The following LRRC7 variants were observed in gnomAD, a reference collection of about 807,000 sequenced individuals.
The protein encoded by LRRC7 is leucine-rich repeat-containing protein 7.
Under a neutral mutation model 175.7 loss-of-function variants are expected in LRRC7, and 23 were observed. That is an observed-to-expected ratio of 0.13 (90% CI 0.09 to 0.19). LRRC7 has a LOEUF of 0.19. Ranked by LOEUF, LRRC7 falls within the 10% of genes least tolerant of loss-of-function variation. The probability of loss-of-function intolerance (pLI) is 1.00; values close to 1 mark genes in which losing one functional copy is unlikely to be tolerated. For synonymous variants in LRRC7, 685 were observed against 680.9 expected, an observed-to-expected ratio of 1.01 and a Z score of -0.09; for missense variants, 1,354 against 1,904.7, an observed-to-expected ratio of 0.71 and a Z score of 5.38.
intron 3 of LRRC7, among the ~76,000 whole-genome samples, chr1:69,769,257 T>G (rs1181932020): frequency 6.6e-6 from 1 of 152,198 alleles, no homozygotes; most frequent in Non-Finnish European, 1.5e-5. Context: ...CAGTAGTTGC[T>G]CATCTAGATT....
rs562890752 is a variant in LRRC7 at position 69,737,054 on chromosome 1, C to A, written c.101-23137C>A. On this transcript the variant is annotated intron_variant, in intron 2 of 26. Transcript: ENST00000651989. ...ACACCTCCGATTGGTTTACATATAG[C>A]CCAAATTATTATACTGTAAGCTACT... Among the ~76,000 whole-genome samples the A allele has an allele frequency of 8.5e-5, 13 of 152,102 alleles. 1 individual carries two copies. The South Asian group carries it at 2.7e-3, about 32-fold the overall frequency.
At chr1:69,924,330 T>G (rs1242087351) in intron 7 of LRRC7, among the ~76,000 whole-genome samples, 1 of 152,138 alleles carries the variant, frequency 6.6e-6, no homozygotes, top group East Asian at 1.9e-4. Flanking sequence ...TTTTTTCCAA[T>G]TCTGTGAAGA....
intron 2 of LRRC7, among the ~76,000 whole-genome samples, chr1:69,733,746 G>T (rs1249155452): frequency 6.6e-6 from 1 of 151,856 alleles, no homozygotes; most frequent in Admixed American, 6.6e-5. Context: ...ACCTGTTTTT[G>T]TGCAGAAAAA....
intron 1 of LRRC7, among the ~76,000 whole-genome samples, chr1:69,591,835 A>G (rs1388516350): frequency 2.0e-5 from 3 of 151,932 alleles, no homozygotes; most frequent in Admixed American, 6.6e-5. Context: ...CCATCTGCAG[A>G]TGCTCTGTTC....
Position 69,615,044 on chromosome 1 carries a change from A to G in LRRC7, c.2+46403A>G, listed in dbSNP as rs138445780. ...ATATTTGGCATAAAACAATCAGACC[A>G]AATATAAATATGCTGAACTAGAAAT... On this transcript the variant is annotated intron_variant, in intron 1 of 26. Coordinates refer to ENST00000651989, the MANE Select transcript of LRRC7 (RefSeq NM_001370785.2). Among the ~76,000 whole-genome samples the G allele has an allele frequency of 2.4e-3, 371 of 152,162 alleles. 1 individual carries two copies. The highest frequency in any genetic ancestry group is 8.7e-3 in the African/African-American group (362 of 41,532).
chr1:69,995,742 T>G (rs1485270247), intron 11 of LRRC7, among the ~76,000 whole-genome samples: 1 of 152,188 alleles, frequency 6.6e-6, no homozygotes, highest in Non-Finnish European at 1.5e-5. Flanking sequence ...CTCATCATTT[T>G]TTATGGCTGC....
In LRRC7 at chr1:69,633,523, G is replaced by A. The variant is rs113339100; in HGVS notation, c.3-44858G>A. On this transcript the variant is annotated intron_variant, in intron 1 of 26. Coordinates refer to ENST00000651989, the MANE Select transcript of LRRC7 (RefSeq NM_001370785.2). ...AACTCACTGCAACCTCTGCCTCCCAGGTTCAATCAATTCTCCTGCCTCAGC... is the reference window on the plus strand; with the variant it reads ...AACTCACTGCAACCTCTGCCTCCCAAGTTCAATCAATTCTCCTGCCTCAGC... Among the ~76,000 whole-genome samples the A allele has an allele frequency of 6.5e-3, 988 of 152,068 alleles. 5 individuals are homozygous for A. The highest frequency in any genetic ancestry group is 0.023 in the African/African-American group (935 of 41,470).
In LRRC7 at chr1:70,134,528, C is replaced by CT. The variant is rs922526813; in HGVS notation, c.*12648dup. ...GGTGTTCCCCTGCCAACCATTTAAT[C>CT]TTTTTTTCTTCCAACCCGGAGCAAA... On this transcript the variant is annotated 3_prime_UTR_variant, in exon 27 of 27. Coordinates refer to ENST00000651989, the MANE Select transcript of LRRC7 (RefSeq NM_001370785.2). Among the ~76,000 whole-genome samples, 2 of 152,162 alleles carry CT rather than the reference C, an allele frequency of 1.3e-5. No individual in the cohort carries two copies. Among genetic ancestry groups the CT allele is most frequent in the East Asian group, 3.8e-4 (2 of 5,202 alleles).
intron 1 of LRRC7, among the ~76,000 whole-genome samples, chr1:69,570,844 G>A (rs1025981259): frequency 3.3e-5 from 5 of 152,126 alleles, no homozygotes; most frequent in African/African-American, 9.7e-5. Flanking sequence ...TGTGTTTAGT[G>A]ATTGAGTTTG....
At chr1:69,795,040 A>G (rs912140601) in intron 4 of LRRC7, among the ~76,000 whole-genome samples, 16 of 152,224 alleles carry the variant, frequency 1.1e-4, no homozygotes, top group African/African-American at 2.9e-4. Context: ...GAACTTACAC[A>G]AACAGTAAGA....
chr1:69,661,174 G>A (rs1657415141), intron 1 of LRRC7, among the ~76,000 whole-genome samples: 1 of 151,916 alleles, frequency 6.6e-6, no homozygotes, highest in Admixed American at 6.6e-5. Flanking sequence ...AAAGAACAAA[G>A]ATTTTTTAAT....
At chr1:69,656,558 G>GTTA (rs1350520063) in intron 1 of LRRC7, among the ~76,000 whole-genome samples, 3 of 151,854 alleles carry the variant, frequency 2.0e-5, no homozygotes, top group African/African-American at 7.2e-5. Flanking sequence ...AACATATTTT[G>GTTA]GGGAACCTTC....
At chr1:69,893,256 T>TA (rs35349613) in intron 7 of LRRC7, among the ~76,000 whole-genome samples, 55,185 of 152,052 alleles carry the variant, frequency 0.36, 12,237 homozygotes, top group East Asian at 0.55. Context: ...TCCAACCTTT[T>TA]AAAATCAAGG....
At chr1:70,107,640 C>A in intron 25 of LRRC7, 112 bp from the exon 26 acceptor site, 1 of 731,348 alleles carries the variant, frequency 1.4e-6, no homozygotes, top group Non-Finnish European at 2.4e-6. Flanking sequence ...AGCCTACATG[C>A]ATAAACTGTT....
chr1:69,947,618 T>G (rs974960245), intron 8 of LRRC7, among the ~76,000 whole-genome samples: 11 of 152,004 alleles, frequency 7.2e-5, no homozygotes, highest in Non-Finnish European at 1.0e-4. Flanking sequence ...TCAACTTATT[T>G]TTATAGTTAT....
intron 7 of LRRC7, among the ~76,000 whole-genome samples, chr1:69,918,120 T>C (rs536976582): frequency 1.2e-4 from 19 of 152,316 alleles, no homozygotes; most frequent in African/African-American, 4.6e-4. Context: ...GAAGTAATTA[T>C]TTATTTAAAG....
intron 4 of LRRC7, among the ~76,000 whole-genome samples, chr1:69,819,454 A>C (rs1678981243): frequency 6.6e-6 from 1 of 151,538 alleles, no homozygotes; most frequent in Admixed American, 6.6e-5. Context: ...GTCTTTGTAA[A>C]TTTTTTAAGA....
At chr1:69,899,610 C>T (rs10889861) in intron 7 of LRRC7, among the ~76,000 whole-genome samples, 84,449 of 151,988 alleles carry the variant, frequency 0.56, 23,537 homozygotes, top group East Asian at 0.71. Flanking sequence ...ATAGATGATA[C>T]GTAAACAAAT....
intron 1 of LRRC7, among the ~76,000 whole-genome samples, chr1:69,627,602 A>G (rs1050812829): frequency 6.6e-6 from 1 of 151,786 alleles, no homozygotes; most frequent in Non-Finnish European, 1.5e-5. Context: ...GTTAATTTTG[A>G]CTTTTTTTGC....
Sources: gnomAD v4.1 joint callset for allele counts (sites outside exome capture counted in the v4.1 genomes callset) on GRCh38, gnomAD v4.1.1 for gene constraint, MANE v1.5 for transcripts, NCBI Gene and HGNC (gene_info 2026-07-23, HGNC 2026-07-21) for gene names.